ADGRG1: variants seen among roughly 807,000 people sequenced by gnomAD.
ADGRG1 encodes adhesion G protein-coupled receptor G1, also known as 7-transmembrane protein with no EGF-like N-terminal domains-1.
A neutral mutation model predicts 73.5 loss-of-function variants in ADGRG1; 53 were observed. The observed-to-expected ratio is 0.72, with a 90% confidence interval of 0.58 to 0.91. The LOEUF (loss-of-function observed/expected upper bound fraction) is 0.91. ADGRG1 is among the 40% of genes least tolerant of loss of function. ADGRG1 has a pLI of 0.00. For synonymous variants in ADGRG1, 394 were observed against 374.4 expected (o/e 1.05, Z -0.60); for missense variants, 795 against 871.8 (o/e 0.91, Z 1.11).
intron 1 of ADGRG1, 143 bp from the exon 2 acceptor site, chr16:57,650,110 T>A (rs754798319): frequency 2.0e-6 from 3 of 1,492,570 alleles, no homozygotes; most frequent in African/African-American, 1.4e-5. Flanking sequence ...CTCTGGCCGC[T>A]CTGGGGAGGT....
rs13338340 is a variant in ADGRG1, at chr16:57,651,371, G to A, written c.236G>A (p.Arg79Gln). Residue 79 changes from arginine to glutamine, a missense_variant, in exon 3 of 14, where the codon CGA becomes CAA. Physicochemically the swap from Arg to Gln is conservative, Grantham distance 43 (BLOSUM62 1). Transcript: ENST00000562631. The stretch of plus-strand genomic sequence containing the variant: ...TTCCCTGCAGCCCACCCTGCTTCCC[G>A]ATCCTTCCCTGACCCCAGGGGCCTC... The part of the protein sequence containing the change: ...APFPAAHPAS[R>Q]SFPDPRGLYH... The A allele has an allele frequency of 8.2e-4, 1,321 of 1,614,002 alleles. 7 individuals are homozygous for A. In the African/African-American group the frequency reaches 0.016, roughly 19 times the overall value.
chr16:57,643,773 T>C lies in ADGRG1; in HGVS notation c.-35-6480T>C, dbSNP rs74022014. On this transcript the variant is annotated intron_variant, in intron 1 of 13. Transcript: ENST00000562631. ...TCTTGGGGAGCTCTCTGTGGTCACC[T>C]AGCTTGGACTTCCGTCACTCACTTG... 1.6e-3 allele frequency: 1,550 copies of C among 984,602 alleles called. 12 individuals carry two copies. In the African/African-American group the frequency reaches 0.023, roughly 14 times the overall value. 61.0% of individuals were successfully genotyped at this position (984,602 alleles called of 1,614,324 possible).
At chr16:57,644,449 C>A (rs754610710) in intron 1 of ADGRG1, among the ~76,000 whole-genome samples, 1 of 147,548 alleles carries the variant, frequency 6.8e-6, no homozygotes, top group South Asian at 2.2e-4. Flanking sequence ...CATTCATGCA[C>A]ATGCACACAC....
intron 1 of ADGRG1, chr16:57,632,788 G>A (rs1311897318): frequency 2.9e-5 from 29 of 985,254 alleles, no homozygotes; most frequent in South Asian, 1.9e-4. Context: ...GCATGCTTCC[G>A]GGCACCGGTG....
chr16:57,649,014 C>T (rs1470900641), intron 1 of ADGRG1, among the ~76,000 whole-genome samples: 2 of 152,236 alleles, frequency 1.3e-5, no homozygotes, highest in Non-Finnish European at 2.9e-5. Context: ...AATGCAGATG[C>T]AGGGGTGGGA....
upstream of ADGRG1, chr16:57,626,755 G>T (rs893684869): frequency 5.1e-6 from 5 of 985,278 alleles, no homozygotes; most frequent in African/African-American, 5.2e-5. Context: ...TGCCCTGTGG[G>T]CCTGGTCCCT....
chr16:57,652,138 G>A, intron 3 of ADGRG1: 1 of 1,029,300 alleles, frequency 9.7e-7, no homozygotes, highest in South Asian at 3.7e-5. Context: ...GGGTAGGGGT[G>A]AGGGGCGGAG....
chr16:57,637,257 G>C, intron 1 of ADGRG1: 1 of 953,960 alleles, frequency 1.0e-6, no homozygotes, highest in South Asian at 4.8e-5. Context: ...GACCCTGGTC[G>C]GGAATGTTGT....
At chr16:57,644,026 G>T (rs2041562404) in intron 1 of ADGRG1, 1 of 985,184 alleles carries the variant, frequency 1.0e-6, no homozygotes, top group Admixed American at 6.1e-5. Flanking sequence ...TTTGGAAACC[G>T]TTGGAGGGAG....
In ADGRG1 at chr16:57,656,686, C is replaced by T. The variant is rs867671101; in HGVS notation, c.1167+69C>T. 3.2e-6 allele frequency: 3 copies of T among 931,304 alleles called. No individual in the cohort carries two copies. In the African/African-American group the frequency reaches 4.8e-5, roughly 15 times the overall value. The allele number at this position is 931,304 out of a possible 1,614,324, so 57.7% of individuals were successfully genotyped here. A position where few individuals can be genotyped will look rare whatever the true frequency, so the allele number is the denominator to read the frequency against. On this transcript the variant is annotated intron_variant, in intron 9 of 13. Transcript: ENST00000562631. ...GTGCTTGTTCTGTGCAAGCACTTTTCATATATTCAGTCATTTATTCCTCAT... is the reference window on the plus strand; with the variant it reads ...GTGCTTGTTCTGTGCAAGCACTTTTTATATATTCAGTCATTTATTCCTCAT...
chr16:57,641,977 T>C (rs2040959319), intron 1 of ADGRG1: 1 of 472,640 alleles, frequency 2.1e-6, no homozygotes, highest in African/African-American at 2.1e-5. Flanking sequence ...AGCCTCAAAC[T>C]CCTGGGCTCA....
Position 57,659,594 on chromosome 16 carries a change from G to A in ADGRG1, c.1468G>A (p.Glu490Lys), listed in dbSNP as rs556518689. Reference protein sequence around the residue: ...LLTCLSWMGLEGYNLYRLVVE... With the variant: ...LLTCLSWMGLKGYNLYRLVVE... The stretch of plus-strand genomic sequence containing the variant: ...CACCTGCCTTTCCTGGATGGGCCTC[G>A]AGGGGTACAACCTCTACCGACTCGT... The change falls in exon 11 of 14, where the codon GAG (glutamate) becomes AAG (lysine). Residue 490 changes from glutamate (E) to lysine (K), a missense_variant. By Grantham distance (56) the Glu-to-Lys change is moderately conservative. Coordinates refer to ENST00000562631, the MANE Select transcript of ADGRG1 (RefSeq NM_201525.4). The A allele has an allele frequency of 5.0e-6, 8 of 1,614,018 alleles. No individual in the cohort carries two copies. Among genetic ancestry groups the A allele is most frequent in the African/African-American group, 4.0e-5 (3 of 75,020 alleles).
rs573983255 is a variant in ADGRG1, at chr16:57,645,119, C to T, written c.-35-5134C>T. On this transcript the variant is annotated intron_variant, in intron 1 of 13. Transcript: ENST00000562631. ...AGGAGTTCATCCTCACCCTGCCGCC[C>T]GACCCCCTGGGCCAAATCCTTGCTT... is the stretch of plus-strand genomic sequence containing the variant. The T allele has an allele frequency of 4.5e-5, 44 of 984,486 alleles. No individual in the cohort carries two copies. In the South Asian group the frequency reaches 6.1e-4, roughly 14 times the overall value. 61.0% of individuals were successfully genotyped at this position (984,486 alleles called of 1,614,324 possible).
intron 1 of ADGRG1, chr16:57,630,332 C>T (rs768507953): frequency 2.0e-6 from 2 of 982,790 alleles, no homozygotes; most frequent in Non-Finnish European, 2.4e-6. Context: ...CTGCCAATGT[C>T]CAGGTGTGGA....
intron 2 of ADGRG1, 151 bp from the exon 3 acceptor site, chr16:57,651,049 G>A: frequency 6.4e-7 from 1 of 1,554,952 alleles, no homozygotes. Context: ...TAAGTTTTGA[G>A]TGGGAAAGAC....
At chr16:57,639,393 G>A (rs1057206448) in intron 1 of ADGRG1, 5 of 985,298 alleles carry the variant, frequency 5.1e-6, no homozygotes, top group South Asian at 4.7e-5. Context: ...CCAGGGCAAC[G>A]GTTGCCAGGG....
intron 1 of ADGRG1, chr16:57,634,332 GC>G: frequency 1.0e-6 from 1 of 985,398 alleles, no homozygotes; most frequent in Non-Finnish European, 1.2e-6. Flanking sequence ...AGCCCAAGGG[GC>G]TGGCAGGGGC....
chr16:57,650,317 A>G lies in ADGRG1; in HGVS notation c.30A>G (p.Thr10=). The change falls in exon 2 of 14, where the codon ACA becomes ACG. Residue 10 remains threonine (T), a synonymous_variant. Coordinates refer to ENST00000562631, the MANE Select transcript of ADGRG1 (RefSeq NM_201525.4). ...CTCCCCAGTCGCTGCTGCAGACGAC[A>G]CTGTTCCTGCTGAGTCTGCTCTTCC... MTPQSLLQT[T]LFLLSLLFLV... 8 of 1,613,432 alleles carry G rather than the reference A, an allele frequency of 5.0e-6. No homozygotes were observed. The highest frequency in any genetic ancestry group is 6.8e-6 in the Non-Finnish European group (8 of 1,179,344).
chr16:57,644,018 T>C (rs1597321089), intron 1 of ADGRG1: 2 of 985,240 alleles, frequency 2.0e-6, no homozygotes, highest in East Asian at 2.3e-4. Context: ...TAAAAAAGTT[T>C]GGAAACCGTT....
Sources: allele counts gnomAD v4.1 joint callset (sites outside exome capture counted in the v4.1 genomes callset), GRCh38; gene constraint gnomAD v4.1.1; transcripts MANE v1.5; gene names NCBI Gene and HGNC (gene_info 2026-07-23, HGNC 2026-07-21).